Variants in ZNF514 observed in about 807,000 individuals in gnomAD.
ZNF514 encodes the protein zinc finger protein 514.
A neutral mutation model predicts 9.7 loss-of-function variants in ZNF514; 12 were observed. The ratio of observed to expected loss-of-function variants is 1.24; its 90% CI spans 0.79 to 2.01. ZNF514 has a LOEUF of 2.01. Ranked by LOEUF, ZNF514 falls within the 30% of genes most tolerant of loss-of-function variation. ZNF514 has a pLI of 0.00. For missense variants in ZNF514, 467 were observed against 465.5 expected (o/e 1.00, Z -0.03); for synonymous variants, 158 against 163.7 (o/e 0.97, Z 0.27).
rs1393019729 is a variant in ZNF514, at chr2:95,145,658, C to G, written c.*3624G>C. 1.3e-5 allele frequency among the ~76,000 whole-genome samples: 2 copies of G among 152,200 alleles called. No individual in the cohort carries two copies. The highest frequency in any genetic ancestry group is 3.9e-4 in the East Asian group (2 of 5,194). On this transcript the variant is annotated 3_prime_UTR_variant, in exon 5 of 5. Coordinates refer to ENST00000295208, the MANE Select transcript of ZNF514 (RefSeq NM_032788.3). ...CCTCCCTCTGTCCCTGTCCCTTCCC[C>G]ACCAGCTTCAAGTTGTCCTGCCTTT... is the stretch of plus-strand genomic sequence containing the variant.
intron 2 of ZNF514, chr2:95,153,586 A>G (rs1419544141): frequency 1.6e-5 from 3 of 183,238 alleles, no homozygotes; most frequent in Non-Finnish European, 3.4e-5. Context: ...GGCTTATGAT[A>G]ATTTATCCTC....
At chr2:95,126,392 A>AG in the ZNF514 span, among the ~76,000 whole-genome samples, 9 of 84,452 alleles carry the variant, frequency 1.1e-4, no homozygotes, top group African/African-American at 3.9e-4. Flanking sequence ...AAAAAAAAAA[A>AG]AAAGAAAGAA....
chr2:95,145,237 G>C lies in ZNF514; in HGVS notation c.*4045C>G, dbSNP rs1034138264. On this transcript the variant is annotated 3_prime_UTR_variant, in exon 5 of 5. Coordinates refer to ENST00000295208, the MANE Select transcript of ZNF514 (RefSeq NM_032788.3). ...ATTCTAAAGTAAACCTGAAACACTA[G>C]CTCAGGCCATGATGGGAATGGGTGG... Among the ~76,000 whole-genome samples the C allele has an allele frequency of 6.6e-6, 1 of 152,122 alleles. No individual in the cohort carries two copies. The highest frequency in any genetic ancestry group is 1.5e-5 in the Non-Finnish European group (1 of 68,026).
In ZNF514 at chr2:95,153,209, C is replaced by T. The variant is rs760974445; in HGVS notation, c.45G>A (p.Trp15Ter). The T allele has an allele frequency of 3.7e-6, 6 of 1,614,044 alleles. No homozygotes were observed. The South Asian group carries it at 6.6e-5, about 18-fold the overall frequency. The change falls in exon 3 of 5, where the codon TGG becomes TGA. Residue 15 changes from tryptophan to a stop codon, truncating the protein, a stop_gained. Transcript: ENST00000295208. LOFTEE classifies it high-confidence loss of function. Reference protein sequence around the residue: ...DVAVEFSQWEWGQLNPAQKDL... With the variant: ...DVAVEFSQWE ...CCTTCTGAGCAGGGTTCAGCTGCCC[C>T]CACTCCCACTGGCTGAATTCCACAG...
the ZNF514 span, among the ~76,000 whole-genome samples, chr2:95,137,730 A>G: frequency 6.6e-6 from 1 of 152,250 alleles, no homozygotes; most frequent in Admixed American, 6.5e-5. Flanking sequence ...ACAGCCACTA[A>G]GAAGTTTCCA....
At chr2:95,131,386 C>T in the ZNF514 span, among the ~76,000 whole-genome samples, 10 of 152,342 alleles carry the variant, frequency 6.6e-5, no homozygotes, top group African/African-American at 2.4e-4. Flanking sequence ...CCGGTACCTC[C>T]TCCCACAGGA....
At chr2:95,144,918 C>T (rs1673322623), downstream of ZNF514, among the ~76,000 whole-genome samples, 1 of 152,164 alleles carries the variant, frequency 6.6e-6, no homozygotes, top group African/African-American at 2.4e-5. Flanking sequence ...ACCACACACA[C>T]ACACACACCC....
At position 95,149,230 on chromosome 2, in the gene ZNF514, A is replaced by C; in HGVS notation, c.*52T>G. ...ATCTCTCTCTGATATGAATTCTTTAAGTTCCAGTGATGTCTGCACTCCAGC... is the reference window on the plus strand; with the variant it reads ...ATCTCTCTCTGATATGAATTCTTTACGTTCCAGTGATGTCTGCACTCCAGC... On this transcript the variant is annotated 3_prime_UTR_variant, in exon 5 of 5. Coordinates refer to ENST00000295208, the MANE Select transcript of ZNF514 (RefSeq NM_032788.3). The C allele has an allele frequency of 6.6e-7, 1 of 1,516,950 alleles. No homozygotes were observed. Among genetic ancestry groups the C allele is most frequent in the Non-Finnish European group, 8.8e-7 (1 of 1,135,688 alleles). 94.0% of individuals were successfully genotyped at this position (1,516,950 alleles called of 1,614,324 possible).
Position 95,148,277 on chromosome 2 carries a change from G to A in ZNF514, c.*1005C>T, listed in dbSNP as rs1343092552. ...CATGGGTAGCTGTCTACCTTTCTCA[G>A]CCTCCATCCTCTGCACCCATGCATG... On this transcript the variant is annotated 3_prime_UTR_variant, in exon 5 of 5. Transcript: ENST00000295208. 6.6e-6 allele frequency: 1 copy of A among 152,150 alleles called. No homozygotes were observed. The highest frequency in any genetic ancestry group is 1.5e-5 in the Non-Finnish European group (1 of 68,026). 9.4% of individuals were successfully genotyped at this position (152,150 alleles called of 1,614,324 possible).
chr2:95,158,875 C>G, intron 1 of ZNF514: 1 of 1,289,738 alleles, frequency 7.8e-7, no homozygotes, highest in South Asian at 1.2e-5. Flanking sequence ...AGTGGGATTC[C>G]CCGGCCTCTT....
intron 4 of ZNF514, among the ~76,000 whole-genome samples, chr2:95,152,380 G>A (rs1673566573): frequency 6.6e-6 from 1 of 151,872 alleles, no homozygotes; most frequent in Non-Finnish European, 1.5e-5. Context: ...GGCCCTATAC[G>A]ATTGTTGATC....
chr2:95,156,869 C>T (rs984757359), intron 2 of ZNF514, among the ~76,000 whole-genome samples: 2 of 152,096 alleles, frequency 1.3e-5, no homozygotes, highest in Admixed American at 1.3e-4. Flanking sequence ...ATAGCCTGCC[C>T]ACCTGTCCAT....
At chr2:95,154,877 T>C (rs1268195324) in intron 2 of ZNF514, 5 of 152,210 alleles carry the variant, frequency 3.3e-5, no homozygotes, top group Non-Finnish European at 7.3e-5. Context: ...TTTAAACCTC[T>C]GAGTAATTTC....
Position 95,149,242 on chromosome 2 carries a change from G to A in ZNF514, c.*40C>T, listed in dbSNP as rs1418663573. On this transcript the variant is annotated 3_prime_UTR_variant, in exon 5 of 5. Coordinates refer to ENST00000295208, the MANE Select transcript of ZNF514 (RefSeq NM_032788.3). Reference sequence around the variant, plus strand: ...TATGAATTCTTTAAGTTCCAGTGATGTCTGCACTCCAGCTGAAAGCCCTTC... The same window carrying A: ...TATGAATTCTTTAAGTTCCAGTGATATCTGCACTCCAGCTGAAAGCCCTTC... 6.6e-7 allele frequency: 1 copy of A among 1,525,388 alleles called. No homozygotes were observed. Among genetic ancestry groups the A allele is most frequent in the South Asian group, 1.3e-5 (1 of 74,154 alleles). The allele number at this position is 1,525,388 out of a possible 1,614,324, so 94.5% of individuals were successfully genotyped here.
At chr2:95,158,345 G>A (rs1673742923) in intron 1 of ZNF514, among the ~76,000 whole-genome samples, 2 of 152,204 alleles carry the variant, frequency 1.3e-5, no homozygotes, top group Admixed American at 1.3e-4. Flanking sequence ...CCAGTTATGT[G>A]TCCTTGAGCA....
chr2:95,156,133 A>G (rs1313562438), intron 2 of ZNF514, among the ~76,000 whole-genome samples: 2 of 152,370 alleles, frequency 1.3e-5, no homozygotes, highest in African/African-American at 4.8e-5. Flanking sequence ...GCTATTTATG[A>G]CTTTACTGAT....
chr2:95,136,357 C>G, the ZNF514 span, among the ~76,000 whole-genome samples: 1 of 152,012 alleles, frequency 6.6e-6, no homozygotes, highest in Admixed American at 6.5e-5. Context: ...ATGTGATTCT[C>G]CGGCCTCAGG....
chr2:95,159,547 G>A lies in ZNF514; in HGVS notation c.-403C>T, dbSNP rs1673790936. ...GGGCCGGGGCGCGGGCCCAGTACAG[G>A]TCTGCGCGCCCGCAGTCTCCGAACG... On this transcript the variant is annotated 5_prime_UTR_variant, in exon 1 of 5. Coordinates refer to ENST00000295208, the MANE Select transcript of ZNF514 (RefSeq NM_032788.3). The A allele has an allele frequency of 6.6e-6, 1 of 152,286 alleles. No homozygotes were observed. The highest frequency in any genetic ancestry group is 2.4e-5 in the African/African-American group (1 of 41,342). 9.4% of individuals were successfully genotyped at this position (152,286 alleles called of 1,614,324 possible). A position where few individuals can be genotyped will look rare whatever the true frequency, so the allele number is the denominator to read the frequency against.
chr2:95,159,598 A>G lies in ZNF514; in HGVS notation c.-454T>C, dbSNP rs1036320395. On this transcript the variant is annotated 5_prime_UTR_variant, in exon 1 of 5. Transcript: ENST00000295208. ...CTCACAGGACCAGGCCCCGCCCGCCACCCCGCGCCAGCCCCCGCCCGCCAC... is the reference window on the plus strand; with the variant it reads ...CTCACAGGACCAGGCCCCGCCCGCCGCCCCGCGCCAGCCCCCGCCCGCCAC... 4.4e-5 allele frequency: 2 copies of G among 45,070 alleles called. No individual in the cohort carries two copies. Among genetic ancestry groups the G allele is most frequent in the East Asian group, 1.6e-3 (2 of 1,282 alleles). The allele number at this position is 45,070 out of a possible 1,614,324, so 2.8% of individuals were successfully genotyped here.
Sources: allele counts gnomAD v4.1 joint callset (sites outside exome capture counted in the v4.1 genomes callset), GRCh38; gene constraint gnomAD v4.1.1; transcripts MANE v1.5; gene names NCBI Gene and HGNC (gene_info 2026-07-23, HGNC 2026-07-21).